Variants in MCTP1 observed in about 807,000 individuals in gnomAD.
The protein encoded by MCTP1 is multiple C2 and transmembrane domain-containing protein 1.
MCTP1 carries 69 observed loss-of-function variants against 120.6 expected under a neutral mutation model. That is an observed-to-expected ratio of 0.57 (90% CI 0.47 to 0.70). The LOEUF is 0.70. Among genes scored for constraint, MCTP1 ranks in the 30% least tolerant of loss-of-function variants. The probability of loss-of-function intolerance (pLI) is 0.00; values close to 1 mark genes in which losing one functional copy is unlikely to be tolerated. For missense variants in MCTP1, 1,203 were observed against 1,248.8 expected (o/e 0.96, Z 0.55); for synonymous variants, 529 against 493.1 (o/e 1.07, Z -0.96).
chr5:94,727,288 A>G (rs962469054), intron 19 of MCTP1, among the ~76,000 whole-genome samples: 15 of 152,230 alleles, frequency 9.9e-5, no homozygotes, highest in African/African-American at 3.4e-4. Flanking sequence ...CTGAAGATCC[A>G]TAGTGAAAAT....
Position 94,972,156 on chromosome 5 carries a change from A to G in MCTP1, c.839-18795T>C, listed in dbSNP as rs190364020. ...GGCCATTTTATTCCTCTTGGACTAC[A>G]TTTCAGTCCATATTCTGCACCCACA... is the stretch of plus-strand genomic sequence containing the variant. On this transcript the variant is annotated intron_variant, in intron 2 of 22. Coordinates refer to ENST00000515393, the MANE Select transcript of MCTP1 (RefSeq NM_024717.7). Among the ~76,000 whole-genome samples, 280 of 152,172 alleles carry G rather than the reference A, an allele frequency of 1.8e-3. 1 individual carries two copies. The highest frequency in any genetic ancestry group is 6.0e-3 in the African/African-American group (250 of 41,528).
At chr5:95,170,115 TG>T (rs1261624817) in intron 1 of MCTP1, among the ~76,000 whole-genome samples, 1 of 152,236 alleles carries the variant, frequency 6.6e-6, no homozygotes, top group Non-Finnish European at 1.5e-5. Flanking sequence ...GTTGTGTCTT[TG>T]TTCTCATTGG....
At chr5:94,734,090 A>T (rs749370301) in intron 19 of MCTP1, among the ~76,000 whole-genome samples, 7 of 152,332 alleles carry the variant, frequency 4.6e-5, no homozygotes, top group Middle Eastern at 6.8e-3. Flanking sequence ...TGTAATTAAC[A>T]TTGAAATTAT....
intron 17 of MCTP1, chr5:94,825,985 T>A (rs1786972772): frequency 3.6e-6 from 1 of 276,196 alleles, no homozygotes. Flanking sequence ...AGCCTGTTGA[T>A]CTGGTCCTCC....
At position 95,284,955 on chromosome 5, in the gene MCTP1, G is replaced by C. The variant is rs925337374; in HGVS notation, c.-380C>G. On this transcript the variant is annotated 5_prime_UTR_variant, in exon 1 of 23. Transcript: ENST00000515393. The surrounding 1 kb of genome is among the most constrained non-coding windows in gnomAD (Gnocchi z 5.2). ...CTCCCTCTTCTCTCTGACCGAGCTC[G>C]GGAAGCTGCACGCACCGGGGCGTGC... 6.6e-6 allele frequency among the ~76,000 whole-genome samples: 1 copy of C among 152,112 alleles called. No individual in the cohort carries two copies.
rs115005959 is a variant in MCTP1 at position 95,251,959 on chromosome 5, G to C, written c.720+31897C>G. ...CCAACCCAGAAAACTTCTCCACAAA[G>C]GTAGAAGAGAAAGAATACAATTTTA... On this transcript the variant is annotated intron_variant, in intron 1 of 22. Coordinates refer to ENST00000515393, the MANE Select transcript of MCTP1 (RefSeq NM_024717.7). Among the ~76,000 whole-genome samples, 572 of 151,838 alleles carry C rather than the reference G, an allele frequency of 3.8e-3. 5 individuals carry two copies. Among genetic ancestry groups the C allele is most frequent in the African/African-American group, 0.012 (496 of 41,392 alleles).
At chr5:94,867,270 C>A in intron 17 of MCTP1, 1 of 1,520,864 alleles carries the variant, frequency 6.6e-7, no homozygotes, top group Admixed American at 2.0e-5. Context: ...AGGGAGACAA[C>A]AACACGTCTA....
rs1754917055 is a variant in MCTP1 at position 94,707,409 on chromosome 5, CAGA to C, written c.*84_*86del. 39 of 1,011,490 alleles carry C rather than the reference CAGA, an allele frequency of 3.9e-5. No individual in the cohort carries two copies. In the South Asian group the frequency reaches 5.2e-4, roughly 14 times the overall value. 62.7% of individuals were successfully genotyped at this position (1,011,490 alleles called of 1,614,324 possible). On this transcript the variant is annotated 3_prime_UTR_variant, in exon 23 of 23. Transcript: ENST00000515393. ...ATAAAAAGGCAAAATAAATAAAAAG[CAGA>C]AAGAAAGGAAATGCTGCTGAGGCTG...
chr5:94,905,779 A>C (rs940783374), intron 10 of MCTP1, among the ~76,000 whole-genome samples: 1 of 152,212 alleles, frequency 6.6e-6, no homozygotes, highest in Non-Finnish European at 1.5e-5. Context: ...GCAGTGCAAT[A>C]TAGGAATCTG....
chr5:94,905,852 A>G (rs1047733205), intron 10 of MCTP1, among the ~76,000 whole-genome samples: 3 of 152,146 alleles, frequency 2.0e-5, no homozygotes, highest in Admixed American at 6.5e-5. Flanking sequence ...TCACCATGGG[A>G]GCCAGTATAG....
At chr5:95,243,724 G>C (rs1756432251) in intron 1 of MCTP1, among the ~76,000 whole-genome samples, 1 of 152,292 alleles carries the variant, frequency 6.6e-6, no homozygotes, top group East Asian at 1.9e-4. Context: ...TGAATAAAAA[G>C]GTGAACGAGT....
intron 1 of MCTP1, among the ~76,000 whole-genome samples, chr5:95,098,105 G>C (rs1488592648): frequency 6.6e-6 from 1 of 152,090 alleles, no homozygotes; most frequent in African/African-American, 2.4e-5. Context: ...TCAACGGTAA[G>C]TTTAGTTTTA....
chr5:95,177,649 G>A (rs1429569280), intron 1 of MCTP1, among the ~76,000 whole-genome samples: 1 of 152,182 alleles, frequency 6.6e-6, no homozygotes, highest in Non-Finnish European at 1.5e-5. Flanking sequence ...TAACGTGATT[G>A]GTCACTGATC....
chr5:95,009,470 A>G (rs116529619), intron 2 of MCTP1, among the ~76,000 whole-genome samples: 4,956 of 152,042 alleles, frequency 0.033, 119 homozygotes, highest in African/African-American at 0.073. Context: ...GTACATCACA[A>G]TTTCATAGGG....
intron 19 of MCTP1, among the ~76,000 whole-genome samples, chr5:94,727,571 A>G (rs1372824339): frequency 6.6e-6 from 1 of 152,180 alleles, no homozygotes; most frequent in African/African-American, 2.4e-5. Flanking sequence ...TTTTATTGCT[A>G]TTTAATTTCC....
At chr5:95,186,280 A>G (rs13161626) in intron 1 of MCTP1, among the ~76,000 whole-genome samples, 12 of 149,524 alleles carry the variant, frequency 8.0e-5, no homozygotes, top group African/African-American at 2.5e-4. Flanking sequence ...AAGAAAAAAA[A>G]GAAAAAAAAA....
chr5:94,896,257 C>T (rs1309068663), intron 10 of MCTP1, among the ~76,000 whole-genome samples: 1 of 152,092 alleles, frequency 6.6e-6, no homozygotes, highest in Non-Finnish European at 1.5e-5. Flanking sequence ...GAGATCTTTC[C>T]AGCACCTGAC....
At chr5:95,140,701 A>G (rs1438350353) in intron 1 of MCTP1, among the ~76,000 whole-genome samples, 31 of 90,766 alleles carry the variant, frequency 3.4e-4, no homozygotes, top group Non-Finnish European at 4.4e-4. Flanking sequence ...ACTAAAAAAA[A>G]AAAAAAAAAA....
chr5:94,919,177 A>T (rs1468986202), intron 7 of MCTP1, among the ~76,000 whole-genome samples: 2 of 152,230 alleles, frequency 1.3e-5, no homozygotes, highest in African/African-American at 4.8e-5. Flanking sequence ...TAACCCTAGC[A>T]TATGTTATTC....
Sources: allele counts gnomAD v4.1 joint callset (sites outside exome capture counted in the v4.1 genomes callset), GRCh38; gene constraint gnomAD v4.1.1; non-coding constraint Gnocchi (gnomAD v3.1); transcripts MANE v1.5; gene names NCBI Gene and HGNC (gene_info 2026-07-23, HGNC 2026-07-21).